IARS2: variants seen among roughly 807,000 people sequenced by gnomAD.
IARS2 encodes isoleucyl-tRNA synthetase 2, mitochondrial, also known as isoleucine--tRNA ligase, mitochondrial.
Under a neutral mutation model 126.3 loss-of-function variants are expected in IARS2, and 56 were observed. The ratio of observed to expected loss-of-function variants is 0.44; its 90% CI spans 0.36 to 0.55. The LOEUF is 0.55. Ranked by LOEUF, IARS2 falls within the 20% of genes least tolerant of loss-of-function variation. IARS2 has a pLI of 0.00. For synonymous variants in IARS2, 407 were observed against 441.1 expected (o/e 0.92, Z 0.97); for missense variants, 1,127 against 1,245.9 (o/e 0.90, Z 1.44).
At chr1:220,100,689 A>G (rs1252571993) in intron 3 of IARS2, 40 bp downstream of exon 3, 15 of 1,492,832 alleles carry the variant, frequency 1.0e-5, no homozygotes, top group Non-Finnish European at 1.4e-5. Context: ...GATATTTGTA[A>G]ACACTCAGGT....
chr1:220,122,943 AAAAG>A (rs559992249), intron 12 of IARS2, among the ~76,000 whole-genome samples: 260 of 152,072 alleles, frequency 1.7e-3, no homozygotes, highest in African/African-American at 6.1e-3. Flanking sequence ...TGTAAAAAAA[AAAAG>A]GCAAAATGAC....
chr1:220,113,161 G>A (rs995340616), intron 11 of IARS2, among the ~76,000 whole-genome samples: 4 of 152,000 alleles, frequency 2.6e-5, no homozygotes, highest in South Asian at 2.1e-4. Flanking sequence ...CACCATGCTC[G>A]GCCAAACTCT....
At chr1:220,110,577 G>A (rs1656779780) in intron 10 of IARS2, among the ~76,000 whole-genome samples, 5 of 152,246 alleles carry the variant, frequency 3.3e-5, no homozygotes, top group African/African-American at 1.2e-4. Flanking sequence ...TGTTGGTCAG[G>A]CTGGTCTCGA....
chr1:220,130,895 A>G (rs1358804188), intron 14 of IARS2, among the ~76,000 whole-genome samples: 1 of 152,194 alleles, frequency 6.6e-6, no homozygotes, highest in Admixed American at 6.5e-5. Context: ...ATCAGTTGGC[A>G]ATAAACTGGT....
intron 12 of IARS2, among the ~76,000 whole-genome samples, chr1:220,115,272 A>G (rs1656891097): frequency 6.6e-6 from 1 of 152,186 alleles, no homozygotes; most frequent in African/African-American, 2.4e-5. Flanking sequence ...TACATACTAT[A>G]AAATTCATGG....
Position 220,136,913 on chromosome 1 carries a change from T to TA in IARS2, c.2049+3dup. 1 of 1,548,024 alleles carries TA rather than the reference T, an allele frequency of 6.5e-7. No homozygotes were observed. Among genetic ancestry groups the TA allele is most frequent in the East Asian group, 2.2e-5 (1 of 44,496 alleles). On this transcript the variant is annotated splice_region_variant and intron_variant, in intron 16 of 22. Coordinates refer to ENST00000366922, the MANE Select transcript of IARS2 (RefSeq NM_018060.4). ...GATGTTGTCGTTAATGGAGGACAAGTAGGTGATTCTCTAAAATGTATTTTA... is the reference window on the plus strand; with the variant it reads ...GATGTTGTCGTTAATGGAGGACAAGTAAGGTGATTCTCTAAAATGTATTTTA...
chr1:220,145,524 G>A lies in IARS2; in HGVS notation c.2767G>A (p.Glu923Lys), dbSNP rs1558133314. 6.2e-6 allele frequency: 10 copies of A among 1,611,546 alleles called. No individual in the cohort carries two copies. The highest frequency in any genetic ancestry group is 8.5e-6 in the Non-Finnish European group (10 of 1,178,452). Residue 923 changes from glutamate (E) to lysine (K), a missense_variant, in exon 22 of 23, where the codon GAG becomes AAG. Physicochemically the swap from Glu to Lys is moderately conservative, Grantham distance 56. Transcript: ENST00000366922. ...TTCCTTCCAGATGCTGCAGTCTGAA[G>A]AGACTTCCAGCACCTCTCAGTTGAA... ...FEIIEMLQSE[E>K]TSSTSQLNEL...
chr1:220,115,072 G>T (rs1025627515), intron 12 of IARS2, among the ~76,000 whole-genome samples: 5 of 151,664 alleles, frequency 3.3e-5, no homozygotes, highest in African/African-American at 1.2e-4. Context: ...GGCAGTCATT[G>T]TTTACAGCTG....
At chr1:220,117,975 C>T (rs1397165188) in intron 12 of IARS2, 1 of 475,440 alleles carries the variant, frequency 2.1e-6, no homozygotes, top group Non-Finnish European at 4.4e-6. Context: ...CTTTAATCCT[C>T]TTCCATTATT....
chr1:220,133,000 C>T (rs1340185440), intron 14 of IARS2, among the ~76,000 whole-genome samples: 1 of 151,778 alleles, frequency 6.6e-6, no homozygotes, highest in Non-Finnish European at 1.5e-5. Flanking sequence ...TAACACCCAT[C>T]ACAGTTATTT....
At chr1:220,121,991 T>A (rs1344675805) in intron 12 of IARS2, among the ~76,000 whole-genome samples, 1 of 152,170 alleles carries the variant, frequency 6.6e-6, no homozygotes, top group Non-Finnish European at 1.5e-5. Context: ...CTCAGGAGGC[T>A]GAGGCGGGAG....
At chr1:220,120,679 A>G (rs953656342) in intron 12 of IARS2, among the ~76,000 whole-genome samples, 2 of 152,116 alleles carry the variant, frequency 1.3e-5, no homozygotes, top group African/African-American at 4.8e-5. Flanking sequence ...CCCGCCCAAA[A>G]TTAATTTATT....
At position 220,094,441 on chromosome 1, in the gene IARS2, G is replaced by T. The variant is rs758523600; in HGVS notation, c.225G>T (p.Leu75=). 73 of 1,611,142 alleles carry T rather than the reference G, an allele frequency of 4.5e-5. No homozygotes were observed. Among genetic ancestry groups the T allele is most frequent in the Non-Finnish European group, 5.9e-5 (70 of 1,179,080 alleles). The change falls in exon 1 of 23, where the codon CTG becomes CTT. Residue 75 remains leucine, a synonymous_variant. Transcript: ENST00000366922. ...CGCAGACGAGCTTCCCCATGAAGCT[G>T]CTGGGCCGCCAGCAGCCGGACACGG... ...LLPQTSFPMK[L]LGRQQPDTEL...
intron 2 of IARS2, among the ~76,000 whole-genome samples, chr1:220,097,647 G>A (rs1656474929): frequency 6.6e-6 from 1 of 152,088 alleles, no homozygotes; most frequent in Admixed American, 6.5e-5. Flanking sequence ...ACAGGCGTGA[G>A]CCACCACGTC....
In IARS2 at chr1:220,094,387, T is replaced by C; in HGVS notation, c.171T>C (p.Ser57=). The C allele has an allele frequency of 6.2e-7, 1 of 1,612,836 alleles. No homozygotes were observed. The highest frequency in any genetic ancestry group is 8.5e-7 in the Non-Finnish European group (1 of 1,179,676). Residue 57 remains serine (S), a synonymous_variant, in exon 1 of 23, where the codon AGT becomes AGC. Transcript: ENST00000366922. ...GTAACCACCAGCCGAACTCGAATAG[T>C]GGCAGATACCGGGACACGGTGCTGC... ...GASNHQPNSN[S]GRYRDTVLLP...
At chr1:220,146,552 T>C (rs980763407) in intron 22 of IARS2, among the ~76,000 whole-genome samples, 1 of 141,880 alleles carries the variant, frequency 7.0e-6, no homozygotes, top group African/African-American at 2.5e-5. Flanking sequence ...AGGTATCTTA[T>C]GCTGCTTGTG....
At chr1:220,097,373 T>C (rs1656467286) in intron 2 of IARS2, among the ~76,000 whole-genome samples, 1 of 150,604 alleles carries the variant, frequency 6.6e-6, no homozygotes, top group South Asian at 2.1e-4. Flanking sequence ...TTCTTTTTTT[T>C]TTTTTTTTGA....
intron 15 of IARS2, 119 bp from the exon 16 acceptor site, chr1:220,136,690 C>A: frequency 1.2e-5 from 5 of 424,472 alleles, no homozygotes; most frequent in Non-Finnish European, 1.3e-5. Context: ...TATTCATAAT[C>A]AGTCAAGAAA....
At chr1:220,134,329 T>G (rs762933260) in intron 14 of IARS2, 73 bp from the exon 15 acceptor site, 8 of 1,026,358 alleles carry the variant, frequency 7.8e-6, no homozygotes, top group Non-Finnish European at 1.1e-5. Context: ...TTGTTATTAA[T>G]AAGTATCTTC....
Sources: allele counts gnomAD v4.1 joint callset (sites outside exome capture counted in the v4.1 genomes callset), GRCh38; gene constraint gnomAD v4.1.1; transcripts MANE v1.5; gene names NCBI Gene and HGNC (gene_info 2026-07-23, HGNC 2026-07-21).